The following PRKN variants were observed in gnomAD, a reference collection of about 807,000 sequenced individuals.
PRKN encodes parkin RBR E3 ubiquitin protein ligase, also known as E3 ubiquitin-protein ligase parkin.
PRKN carries 56 observed loss-of-function variants against 59.5 expected under a neutral mutation model. The observed-to-expected ratio is 0.94, with a 90% CI of 0.76 to 1.18. PRKN has a LOEUF of 1.18. Among genes scored for constraint, PRKN ranks in the 50% most tolerant of loss-of-function variants. The probability of loss-of-function intolerance (pLI) is 0.00; values close to 1 mark genes in which losing one functional copy is unlikely to be tolerated. For missense variants in PRKN, 657 were observed against 596.4 expected (o/e 1.10, Z -1.06); for synonymous variants, 250 against 222.1 (o/e 1.13, Z -1.12).
intron 6 of PRKN, among the ~76,000 whole-genome samples, chr6:161,798,118 T>C (rs1790928051): frequency 6.6e-6 from 1 of 152,160 alleles, no homozygotes; most frequent in Non-Finnish European, 1.5e-5. Flanking sequence ...GGAGAATGGC[T>C]TGAACTCAGG....
rs1287890406 is a variant in PRKN at position 161,584,306 on chromosome 6, C to T, written c.872-14890G>A. 6.6e-6 allele frequency among the ~76,000 whole-genome samples: 1 copy of T among 152,174 alleles called. No homozygotes were observed. The highest frequency in any genetic ancestry group is 2.1e-4 in the South Asian group (1 of 4,832). On this transcript the variant is annotated intron_variant, in intron 7 of 11. Coordinates refer to ENST00000366898, the MANE Select transcript of PRKN (RefSeq NM_004562.3). The surrounding 1 kb of genome is among the most constrained non-coding windows in gnomAD (Gnocchi z 4.8). ...AATCAAATAGGACACCAGAGCCCAA[C>T]CTTTCTATTTCAGCTGGTGACTCAT... is the stretch of plus-strand genomic sequence containing the variant.
At chr6:161,797,517 A>G (rs1174417675) in intron 6 of PRKN, among the ~76,000 whole-genome samples, 1 of 152,176 alleles carries the variant, frequency 6.6e-6, no homozygotes, top group East Asian at 1.9e-4. Context: ...CACCTGCCTC[A>G]GCCTCCCAAA....
intron 1 of PRKN, among the ~76,000 whole-genome samples, chr6:162,528,099 T>A (rs1201191287): frequency 6.7e-6 from 1 of 148,502 alleles, no homozygotes; most frequent in Non-Finnish European, 1.5e-5. Context: ...GGGCGGCGGG[T>A]CACCTGAGGT....
intron 1 of PRKN, among the ~76,000 whole-genome samples, chr6:162,453,930 A>G (rs1183249637): frequency 9.9e-5 from 15 of 152,120 alleles, no homozygotes; most frequent in Non-Finnish European, 7.4e-5. Context: ...GAAAGTGGAC[A>G]TAATAATAAG....
intron 1 of PRKN, among the ~76,000 whole-genome samples, chr6:162,492,989 AC>A (rs1333788960): frequency 6.6e-6 from 1 of 150,876 alleles, no homozygotes; most frequent in East Asian, 1.9e-4. Flanking sequence ...AAGCAGAAGA[AC>A]ATGTCTCATG....
intron 2 of PRKN, among the ~76,000 whole-genome samples, chr6:162,367,043 G>A (rs1316835269): frequency 1.3e-5 from 2 of 152,256 alleles, no homozygotes; most frequent in East Asian, 3.9e-4. Context: ...ATCCCCATGT[G>A]TTACGGGAGG....
chr6:161,481,497 C>T (rs113496386), intron 9 of PRKN, among the ~76,000 whole-genome samples: 3,657 of 151,820 alleles, frequency 0.024, 142 homozygotes, highest in African/African-American at 0.084. Flanking sequence ...CCAGCTACTC[C>T]GGAGGCTGAG....
chr6:162,132,824 G>A (rs1342685742), intron 4 of PRKN, among the ~76,000 whole-genome samples: 1 of 152,084 alleles, frequency 6.6e-6, no homozygotes, highest in African/African-American at 2.4e-5. Flanking sequence ...ATAAGAGGGT[G>A]GGCAGAGAAA....
intron 3 of PRKN, among the ~76,000 whole-genome samples, chr6:162,245,114 C>CA (rs893900105): frequency 4.0e-5 from 6 of 151,730 alleles, no homozygotes; most frequent in Non-Finnish European, 7.4e-5. Context: ...TCTTAATAAT[C>CA]AAAAAAAATT....
rs1451269193 is a variant in PRKN, at chr6:161,488,485, T to C, written c.1083+60369A>G. Among the ~76,000 whole-genome samples the C allele has an allele frequency of 6.6e-6, 1 of 152,192 alleles. No homozygotes were observed. The highest frequency in any genetic ancestry group is 1.5e-5 in the Non-Finnish European group (1 of 68,024). ...AGACCGAGAAGGACATCTGAATTTA[T>C]TATATTTTAATTAATTTTTTTAGAG... On this transcript the variant is annotated intron_variant, in intron 9 of 11. Coordinates refer to ENST00000366898, the MANE Select transcript of PRKN (RefSeq NM_004562.3). The surrounding 1 kb of genome is among the most constrained non-coding windows in gnomAD (Gnocchi z 4.5).
intron 6 of PRKN, among the ~76,000 whole-genome samples, chr6:161,879,297 G>A (rs551673541): frequency 6.6e-6 from 1 of 151,472 alleles, no homozygotes; most frequent in Admixed American, 6.6e-5. Context: ...TATGGGAAGT[G>A]GCCAGGACAG....
intron 2 of PRKN, chr6:162,263,214 G>T: frequency 4.5e-6 from 1 of 220,904 alleles, no homozygotes; most frequent in Non-Finnish European, 9.1e-6. Context: ...CGAGTAGCTG[G>T]GATTATAGGC....
At chr6:161,665,025 A>G (rs1180538878) in intron 7 of PRKN, among the ~76,000 whole-genome samples, 1 of 151,988 alleles carries the variant, frequency 6.6e-6, no homozygotes, top group Non-Finnish European at 1.5e-5. Flanking sequence ...TGACCTCGTG[A>G]TCCACCCATC....
chr6:162,451,673 G>A (rs988069640), intron 1 of PRKN, among the ~76,000 whole-genome samples: 5 of 152,042 alleles, frequency 3.3e-5, no homozygotes, highest in African/African-American at 1.2e-4. Context: ...CCCAAATGGA[G>A]ATTAAAGAGG....
At chr6:162,581,658 C>G (rs34306375) in intron 1 of PRKN, among the ~76,000 whole-genome samples, 5 of 152,136 alleles carry the variant, frequency 3.3e-5, no homozygotes, top group African/African-American at 1.2e-4. Flanking sequence ...CTACTTGAGG[C>G]TGAGGCAGGA....
chr6:162,270,197 A>T (rs1009658016), intron 2 of PRKN: 2 of 152,222 alleles, frequency 1.3e-5, no homozygotes, highest in African/African-American at 4.8e-5. Context: ...AAAAGGAATG[A>T]ATTAATGGCA....
chr6:162,235,530 G>A (rs1466438339), intron 3 of PRKN, among the ~76,000 whole-genome samples: 2 of 152,102 alleles, frequency 1.3e-5, no homozygotes, highest in Admixed American at 6.6e-5. Context: ...CCTCATGGCC[G>A]GGCGCAGTGG....
At chr6:162,244,766 T>A (rs1483242239) in intron 3 of PRKN, among the ~76,000 whole-genome samples, 2 of 152,124 alleles carry the variant, frequency 1.3e-5, no homozygotes, top group Non-Finnish European at 2.9e-5. Flanking sequence ...ATGAATCTAA[T>A]CAAGTACACA....
chr6:161,629,269 G>T (rs1321376524), intron 7 of PRKN, among the ~76,000 whole-genome samples: 1 of 152,144 alleles, frequency 6.6e-6, no homozygotes, highest in African/African-American at 2.4e-5. Flanking sequence ...GGGTGATGTG[G>T]ATCCAGGAGA....
Sources: gnomAD v4.1 joint callset for allele counts (sites outside exome capture counted in the v4.1 genomes callset) on GRCh38, gnomAD v4.1.1 for gene constraint, Gnocchi (gnomAD v3.1) non-coding constraint, MANE v1.5 for transcripts, NCBI Gene and HGNC (gene_info 2026-07-23, HGNC 2026-07-21) for gene names.